Variants in MALRD1 observed in about 807,000 individuals in gnomAD.
MALRD1 encodes the protein MAM and LDL receptor class A domain containing 1.
MALRD1 carries 247 observed loss-of-function variants against 242.1 expected under a neutral mutation model. The observed-to-expected ratio is 1.02, with a 90% CI of 0.92 to 1.13. The LOEUF (loss-of-function observed/expected upper bound fraction) is 1.13. Among genes scored for constraint, MALRD1 ranks in the 50% most tolerant of loss-of-function variants. The probability of loss-of-function intolerance (pLI) is 0.00; values close to 1 mark genes in which losing one functional copy is unlikely to be tolerated. For synonymous variants in MALRD1, 995 were observed against 866.6 expected, an observed-to-expected ratio of 1.15 and a Z score of -2.60; for missense variants, 2,989 against 2,533.1, an observed-to-expected ratio of 1.18 and a Z score of -3.86.
chr10:19,115,669 A>G (rs1021306176), intron 5 of MALRD1, among the ~76,000 whole-genome samples: 1 of 152,114 alleles, frequency 6.6e-6, no homozygotes, highest in Non-Finnish European at 1.5e-5. Context: ...TGAGGTCAGG[A>G]GTTCGAGACC....
intron 21 of MALRD1, among the ~76,000 whole-genome samples, chr10:19,286,278 T>G (rs2131900675): frequency 6.7e-6 from 1 of 148,822 alleles, no homozygotes; most frequent in East Asian, 2.0e-4. Flanking sequence ...TGGCCAGAAC[T>G]TCCAACACTA....
chr10:19,050,951 A>G (rs1327350497), intron 1 of MALRD1, among the ~76,000 whole-genome samples: 2 of 152,340 alleles, frequency 1.3e-5, no homozygotes, highest in East Asian at 3.9e-4. Flanking sequence ...AATTCTAATA[A>G]CATACAGCCT....
chr10:19,114,448 C>T (rs922030968), intron 5 of MALRD1, among the ~76,000 whole-genome samples: 3 of 151,978 alleles, frequency 2.0e-5, no homozygotes, highest in African/African-American at 7.3e-5. Context: ...ACCAGCCTGG[C>T]CAACATGGTG....
At chr10:19,353,298 T>C (rs1315340674) in intron 26 of MALRD1, among the ~76,000 whole-genome samples, 1 of 152,138 alleles carries the variant, frequency 6.6e-6, no homozygotes, top group East Asian at 1.9e-4. Flanking sequence ...TGAACCACCA[T>C]GCCCAGCAGA....
intron 36 of MALRD1, among the ~76,000 whole-genome samples, chr10:19,688,348 C>A (rs1589402792): frequency 6.6e-6 from 1 of 152,102 alleles, no homozygotes; most frequent in African/African-American, 2.4e-5. Context: ...CGGCAGCCTC[C>A]AACTCTTGGG....
At chr10:19,059,783 A>G (rs1213764546) in intron 1 of MALRD1, among the ~76,000 whole-genome samples, 1 of 152,204 alleles carries the variant, frequency 6.6e-6, no homozygotes, top group African/African-American at 2.4e-5. Context: ...TGCTTATTTT[A>G]GAAATGAAAG....
At chr10:19,712,217 C>A (rs564786083) in intron 38 of MALRD1, among the ~76,000 whole-genome samples, 1 of 152,220 alleles carries the variant, frequency 6.6e-6, no homozygotes, top group East Asian at 1.9e-4. Context: ...GATGAAAAAA[C>A]GGTGAGCAAT....
chr10:19,448,769 A>G (rs932589985), intron 28 of MALRD1, among the ~76,000 whole-genome samples: 13 of 152,100 alleles, frequency 8.5e-5, no homozygotes, highest in Admixed American at 3.9e-4. Context: ...AAAAACAATC[A>G]TAGTTGTTAC....
At chr10:19,267,940 G>C (rs965634230) in intron 19 of MALRD1, among the ~76,000 whole-genome samples, 7 of 152,062 alleles carry the variant, frequency 4.6e-5, no homozygotes, top group Non-Finnish European at 1.0e-4. Context: ...CAAAGTCTGC[G>C]ATATGTTCAA....
chr10:19,588,152 T>A lies in MALRD1; in HGVS notation c.5681-7042T>A, dbSNP rs1837544486. ...TTTATATTCAAATATATTCGAAAAT[T>A]TTTTTTTAAAGACCTTTCCAATTTC... On this transcript the variant is annotated intron_variant, in intron 33 of 39. Coordinates refer to ENST00000454679, the MANE Select transcript of MALRD1 (RefSeq NM_001142308.3). Among the ~76,000 whole-genome samples, 5 of 151,224 alleles carry A rather than the reference T, an allele frequency of 3.3e-5. No individual in the cohort carries two copies. The South Asian group carries it at 1.0e-3, about 32-fold the overall frequency.
rs5783665 is a variant in MALRD1, at chr10:19,318,974, TACACACACAC to T, written c.3420-4953_3420-4944del. 9.9e-3 allele frequency among the ~76,000 whole-genome samples: 1,478 copies of T among 149,044 alleles called. 31 individuals are homozygous for T. Among genetic ancestry groups the T allele is most frequent in the African/African-American group, 0.034 (1,368 of 40,730 alleles). On this transcript the variant is annotated intron_variant, in intron 21 of 39. Coordinates refer to ENST00000454679, the MANE Select transcript of MALRD1 (RefSeq NM_001142308.3). ...GTACATATAATAACGTACACAGACA[TACACACACAC>T]ACACACACACACACACACACAGTTG...
chr10:19,642,206 C>A (rs946832746), intron 36 of MALRD1, among the ~76,000 whole-genome samples: 6 of 152,164 alleles, frequency 3.9e-5, no homozygotes, highest in Non-Finnish European at 8.8e-5. Context: ...AGATGACAGA[C>A]TATTCCAGAA....
chr10:19,471,547 ATGTT>A (rs1438023864), intron 29 of MALRD1, among the ~76,000 whole-genome samples: 1 of 150,940 alleles, frequency 6.6e-6, no homozygotes, highest in African/African-American at 2.4e-5. Flanking sequence ...AACAATATTA[ATGTT>A]TCAATTCATG....
chr10:19,308,919 G>C (rs1366305861), intron 21 of MALRD1, among the ~76,000 whole-genome samples: 1 of 151,556 alleles, frequency 6.6e-6, no homozygotes, highest in African/African-American at 2.4e-5. Flanking sequence ...TGACAAGGTA[G>C]TATGAGAGAC....
chr10:19,077,300 T>TGCTAAACA (rs2131270566), intron 2 of MALRD1, among the ~76,000 whole-genome samples: 1 of 152,102 alleles, frequency 6.6e-6, no homozygotes, highest in African/African-American at 2.4e-5. Context: ...TAGGAAACCC[T>TGCTAAACA]GCTAAACATA....
rs186913122 is a variant in MALRD1, at chr10:19,296,125, G to A, written c.3419+12944G>A. On this transcript the variant is annotated intron_variant, in intron 21 of 39. Transcript: ENST00000454679. Reference sequence around the variant, plus strand: ...GCAAGGGTGGGCCGCCAACTCTTGGGAAACAGCCATCTATACTAGGCAGAT... The same window carrying A: ...GCAAGGGTGGGCCGCCAACTCTTGGAAAACAGCCATCTATACTAGGCAGAT... 2.8e-3 allele frequency among the ~76,000 whole-genome samples: 419 copies of A among 152,176 alleles called. 3 individuals are homozygous for A. The highest frequency in any genetic ancestry group is 1.2e-3 in the Non-Finnish European group (80 of 68,000).
intron 26 of MALRD1, among the ~76,000 whole-genome samples, chr10:19,384,591 TTATATAATATATAGTATATATAA>T (rs1845993178): frequency 7.9e-6 from 1 of 126,726 alleles, no homozygotes; most frequent in South Asian, 2.2e-4. Context: ...TTACTATATA[TTATATAATATATAGTATATATAA>T]TATAATATTT....
intron 28 of MALRD1, among the ~76,000 whole-genome samples, chr10:19,439,404 T>C (rs1417035883): frequency 6.6e-6 from 1 of 151,934 alleles, no homozygotes; most frequent in African/African-American, 2.4e-5. Context: ...CTGATTGTAG[T>C]GGCGCATCCC....
intron 2 of MALRD1, among the ~76,000 whole-genome samples, chr10:19,080,462 C>G (rs12220630): frequency 6.6e-6 from 1 of 151,582 alleles, no homozygotes; most frequent in Non-Finnish European, 1.5e-5. Flanking sequence ...GAATTAAGAC[C>G]CCACATCTAC....
Sources: gnomAD v4.1 joint callset for allele counts (sites outside exome capture counted in the v4.1 genomes callset) on GRCh38, gnomAD v4.1.1 for gene constraint, MANE v1.5 for transcripts, NCBI Gene and HGNC (gene_info 2026-07-23, HGNC 2026-07-21) for gene names.